The following ZNF827 variants were observed in gnomAD, a reference collection of about 807,000 sequenced individuals.
ZNF827 encodes zinc finger protein 827.
In ZNF827, 13 loss-of-function variants were observed where a neutral mutation model predicts 102.4. That is an observed-to-expected ratio of 0.13 (90% CI 0.08 to 0.20). ZNF827 has a LOEUF of 0.20. ZNF827 is among the 10% of genes least tolerant of loss of function. ZNF827 has a pLI of 1.00. For missense variants in ZNF827, 1,103 were observed against 1,344.4 expected, an observed-to-expected ratio of 0.82 and a Z score of 2.81; for synonymous variants, 523 against 536.2, an observed-to-expected ratio of 0.98 and a Z score of 0.34.
At chr4:145,866,975 T>C (rs1748265315) in intron 5 of ZNF827, among the ~76,000 whole-genome samples, 1 of 152,232 alleles carries the variant, frequency 6.6e-6, no homozygotes, top group East Asian at 1.9e-4. Context: ...AAAGGTACTC[T>C]GAATCTCTTA....
At chr4:145,936,991 C>A (rs1218376152) in intron 1 of ZNF827, among the ~76,000 whole-genome samples, 1 of 152,174 alleles carries the variant, frequency 6.6e-6, no homozygotes, top group East Asian at 1.9e-4. Flanking sequence ...CCCTCCTCCC[C>A]GTCACCCCGC....
At chr4:145,786,392 A>G (rs1738871341) in intron 8 of ZNF827, among the ~76,000 whole-genome samples, 1 of 152,262 alleles carries the variant, frequency 6.6e-6, no homozygotes, top group African/African-American at 2.4e-5. Flanking sequence ...TGGCCAAAAT[A>G]TGACCTCAAT....
In ZNF827 at chr4:145,762,134, G is replaced by A. The variant is rs555147795; in HGVS notation, c.*18-536C>T. Among the ~76,000 whole-genome samples the A allele has an allele frequency of 4.6e-5, 7 of 152,316 alleles. No individual in the cohort carries two copies. Among genetic ancestry groups the A allele is most frequent in the African/African-American group, 1.2e-4 (5 of 41,580 alleles). On this transcript the variant is annotated intron_variant, in intron 14 of 14. Coordinates refer to ENST00000508784, the MANE Select transcript of ZNF827 (RefSeq NM_001306215.2). This position sits in a 1 kb window ranked among gnomAD's most constrained non-coding sequence, Gnocchi z 4.9. The stretch of plus-strand genomic sequence containing the variant: ...ACAGAAAGTCACAGGGGTCAGAATC[G>A]TGCTTATTAAGGGTTTGTTAGGATG...
At chr4:145,910,248 A>G (rs1752182386) in intron 1 of ZNF827, among the ~76,000 whole-genome samples, 1 of 152,132 alleles carries the variant, frequency 6.6e-6, no homozygotes, top group African/African-American at 2.4e-5. Flanking sequence ...ACACAAATGA[A>G]CGCATCACTC....
In ZNF827 at chr4:145,932,456, C is replaced by T. The variant is rs528472433; in HGVS notation, c.43+5909G>A. Among the ~76,000 whole-genome samples the T allele has an allele frequency of 4.6e-5, 7 of 150,770 alleles. 1 individual carries two copies. The highest frequency in any genetic ancestry group is 1.7e-4 in the African/African-American group (7 of 40,774). ...AGCCTTTTCTACAAGAACATGTTGA[C>T]ATTAATAGAACTCCTTGTATTTTTT... On this transcript the variant is annotated intron_variant, in intron 1 of 14. Transcript: ENST00000508784.
chr4:145,805,582 A>T (rs141868677), intron 8 of ZNF827, among the ~76,000 whole-genome samples: 77 of 152,310 alleles, frequency 5.1e-4, no homozygotes, highest in South Asian at 1.2e-3. Context: ...TGTTCCCATT[A>T]AGCCTTTCAG....
chr4:145,929,653 A>G (rs983491409), intron 1 of ZNF827, among the ~76,000 whole-genome samples: 21 of 150,298 alleles, frequency 1.4e-4, no homozygotes, highest in African/African-American at 2.0e-4. Context: ...ATATATTGAG[A>G]AAAAAAAACC....
At chr4:145,776,106 A>G in intron 9 of ZNF827, 146 bp from the exon 10 acceptor site, 1 of 879,226 alleles carries the variant, frequency 1.1e-6, no homozygotes, top group East Asian at 2.6e-5. Flanking sequence ...AGGAATTGTA[A>G]GTATCTAAAA....
intron 1 of ZNF827, chr4:145,906,946 AC>A: frequency 4.8e-6 from 2 of 417,586 alleles, no homozygotes; most frequent in Non-Finnish European, 9.3e-6. Context: ...AGATGCTGCT[AC>A]TGAAATTGAG....
intron 7 of ZNF827, among the ~76,000 whole-genome samples, chr4:145,841,510 T>C (rs1560986358): frequency 6.6e-6 from 1 of 152,242 alleles, no homozygotes; most frequent in Non-Finnish European, 1.5e-5. Context: ...CCTTCTGTTC[T>C]CATGGGTCTG....
intron 7 of ZNF827, among the ~76,000 whole-genome samples, chr4:145,828,160 T>C (rs1743866062): frequency 6.6e-6 from 1 of 152,162 alleles, no homozygotes; most frequent in South Asian, 2.1e-4. Context: ...CCCCGAAGCA[T>C]GTTTGTACTG....
intron 1 of ZNF827, among the ~76,000 whole-genome samples, chr4:145,925,867 T>A (rs892160610): frequency 6.6e-6 from 1 of 152,256 alleles, no homozygotes; most frequent in Non-Finnish European, 1.5e-5. Flanking sequence ...CAACGGGTGG[T>A]TGAACCAGCT....
chr4:145,763,312 G>A lies in ZNF827; in HGVS notation c.3231-190C>T, dbSNP rs746851497. On this transcript the variant is annotated intron_variant, in intron 13 of 14. Coordinates refer to ENST00000508784, the MANE Select transcript of ZNF827 (RefSeq NM_001306215.2). This position sits in a 1 kb window ranked among gnomAD's most constrained non-coding sequence, Gnocchi z 4.6. ...AGGCAAAGTGCTAAGGGTTTTCCGT[G>A]CTCCCGTTATTTTCTTAAAGACACT... 1.3e-5 allele frequency among the ~76,000 whole-genome samples: 2 copies of A among 152,176 alleles called. No individual in the cohort carries two copies. Among genetic ancestry groups the A allele is most frequent in the African/African-American group, 2.4e-5 (1 of 41,438 alleles).
At chr4:145,862,716 G>T (rs1372455788) in intron 5 of ZNF827, among the ~76,000 whole-genome samples, 1 of 152,118 alleles carries the variant, frequency 6.6e-6, no homozygotes, top group South Asian at 2.1e-4. Flanking sequence ...ACTCCACTGA[G>T]GTATTATTCA....
At chr4:145,833,662 C>A (rs1744499341) in intron 7 of ZNF827, among the ~76,000 whole-genome samples, 1 of 152,086 alleles carries the variant, frequency 6.6e-6, no homozygotes, top group Non-Finnish European at 1.5e-5. Context: ...ATCTCTGTGC[C>A]CCAATCCCTT....
At chr4:145,856,997 A>G (rs1384735943) in intron 5 of ZNF827, among the ~76,000 whole-genome samples, 3 of 152,156 alleles carry the variant, frequency 2.0e-5, no homozygotes, top group Non-Finnish European at 4.4e-5. Context: ...ACACACACAC[A>G]CACACACACA....
Position 145,765,565 on chromosome 4 carries a change from C to T in ZNF827, c.3034G>A (p.Glu1012Lys). 6.2e-7 allele frequency: 1 copy of T among 1,613,256 alleles called. No homozygotes were observed. Among genetic ancestry groups the T allele is most frequent in the South Asian group, 1.1e-5 (1 of 90,906 alleles). The change falls in exon 12 of 15, where the codon GAG becomes AAG. Residue 1012 changes from glutamate to lysine, a missense_variant. This residue lies in a region of ZNF827 where 242 missense variants were observed against 361.9 expected (regional missense o/e 0.67). Coordinates refer to ENST00000508784, the MANE Select transcript of ZNF827 (RefSeq NM_001306215.2). This position sits in a 1 kb window ranked among gnomAD's most constrained non-coding sequence, Gnocchi z 4.7. ...TCCTTACCTTTCTCTGGCTTTTCCT[C>T]ACTGTTCAGTGAGGGCTGGCTCCCA... Reference protein sequence around the residue: ...MPGSQPSLNSEEKPEKGFECV... With the variant: ...MPGSQPSLNSKEKPEKGFECV...
intron 8 of ZNF827, among the ~76,000 whole-genome samples, chr4:145,813,148 AC>A (rs1660000455): frequency 2.6e-5 from 4 of 152,068 alleles, no homozygotes; most frequent in African/African-American, 9.7e-5. Context: ...ATCCAGGATC[AC>A]CAAAAGCAGA....
At position 145,902,471 on chromosome 4, in the gene ZNF827, C is replaced by G; in HGVS notation, c.788G>C (p.Arg263Thr). ...GTGCTCCTGACCAGGAGTCAAACTT[C>G]TTTCACTGACCTTCTTGGACAAAGC... is the stretch of plus-strand genomic sequence containing the variant. The part of the protein sequence containing the change: ...LAALSKKVSE[R>T]SLTPGQEHPP... The change falls in exon 2 of 15, where the codon AGA (arginine) becomes ACA (threonine). Residue 263 changes from arginine to threonine, a missense_variant. Transcript: ENST00000508784. The surrounding 1 kb of genome is among the most constrained non-coding windows in gnomAD (Gnocchi z 4.3). 5 of 1,614,184 alleles carry G rather than the reference C, an allele frequency of 3.1e-6. No individual in the cohort carries two copies. Among genetic ancestry groups the G allele is most frequent in the Non-Finnish European group, 4.2e-6 (5 of 1,180,050 alleles).
Sources: gnomAD v4.1 joint callset for allele counts (sites outside exome capture counted in the v4.1 genomes callset) on GRCh38, gnomAD v4.1.1 for gene constraint, gnomAD v4.1.1 regional missense constraint, Gnocchi (gnomAD v3.1) non-coding constraint, MANE v1.5 for transcripts, NCBI Gene and HGNC (gene_info 2026-07-23, HGNC 2026-07-21) for gene names.